Variants in CDH18 observed in about 807,000 individuals in gnomAD.
CDH18 encodes cadherin-18.
A neutral mutation model predicts 67.9 loss-of-function variants in CDH18; 31 were observed. That is an observed-to-expected ratio of 0.46 (90% CI 0.34 to 0.62). The LOEUF is 0.62. CDH18 is among the 20% of genes least tolerant of loss of function. The pLI, the probability that CDH18 is intolerant of heterozygous loss-of-function variation, is 0.01. For synonymous variants in CDH18, 362 were observed against 347.2 expected (o/e 1.04, Z -0.48); for missense variants, 890 against 975.5 (o/e 0.91, Z 1.17).
At chr5:20,056,945 A>G (rs1742045578) in intron 2 of CDH18, among the ~76,000 whole-genome samples, 1 of 151,488 alleles carries the variant, frequency 6.6e-6, no homozygotes, top group African/African-American at 2.4e-5. Context: ...TCGGCCTCCC[A>G]AAGTGCTGAG....
intron 3 of CDH18, among the ~76,000 whole-genome samples, chr5:19,837,982 T>C (rs1038611925): frequency 5.3e-5 from 8 of 152,142 alleles, no homozygotes; most frequent in African/African-American, 1.4e-4. Context: ...AGATGACACA[T>C]GCTTAAACTC....
At chr5:19,809,108 G>C (rs886311724) in intron 3 of CDH18, among the ~76,000 whole-genome samples, 2 of 152,040 alleles carry the variant, frequency 1.3e-5, no homozygotes, top group Admixed American at 6.6e-5. Flanking sequence ...AGACAAAGCT[G>C]ATCTAGGCAT....
At chr5:20,292,639 T>A (rs560369873) in intron 1 of CDH18, among the ~76,000 whole-genome samples, 11 of 152,280 alleles carry the variant, frequency 7.2e-5, no homozygotes, top group African/African-American at 2.6e-4. Flanking sequence ...CAGTGCCATG[T>A]CTTTGTGAAG....
At position 19,473,682 on chromosome 5, in the gene CDH18, G is replaced by T; in HGVS notation, c.1917C>A (p.Ser639Arg). The change falls in exon 13 of 13, where the codon AGC becomes AGA. Residue 639 changes from serine (S) to arginine (R), a missense_variant. Coordinates refer to ENST00000382275, the MANE Select transcript of CDH18 (RefSeq NM_004934.5). Reference protein sequence around the residue: ...IVVLFITLRRSKKEPLIISEE... With the variant: ...IVVLFITLRRRKKEPLIISEE... ...CTGAAATGATCAAGGGCTCTTTTTTGCTGCGCCTCAGGGTGATAAAAAGTA... is the reference window on the plus strand; with the variant it reads ...CTGAAATGATCAAGGGCTCTTTTTTTCTGCGCCTCAGGGTGATAAAAAGTA... 6.2e-7 allele frequency: 1 copy of T among 1,612,916 alleles called. No homozygotes were observed. The highest frequency in any genetic ancestry group is 1.1e-5 in the South Asian group (1 of 91,050).
At chr5:20,044,832 T>C (rs184810631) in intron 2 of CDH18, among the ~76,000 whole-genome samples, 49 of 152,288 alleles carry the variant, frequency 3.2e-4, no homozygotes, top group African/African-American at 1.1e-3. Context: ...CAAGGTCATG[T>C]GTGGATATTG....
chr5:20,113,135 A>G (rs953960349), intron 2 of CDH18, among the ~76,000 whole-genome samples: 1 of 152,174 alleles, frequency 6.6e-6, no homozygotes, highest in Non-Finnish European at 1.5e-5. Context: ...CATTTTAGTA[A>G]ATTGTAGTAT....
chr5:19,473,089 G>C lies in CDH18; in HGVS notation c.*137C>G. 1.1e-6 allele frequency: 1 copy of C among 947,102 alleles called. No individual in the cohort carries two copies. Among genetic ancestry groups the C allele is most frequent in the Non-Finnish European group, 1.6e-6 (1 of 632,624 alleles). 58.7% of individuals were successfully genotyped at this position (947,102 alleles called of 1,614,324 possible). On this transcript the variant is annotated 3_prime_UTR_variant, in exon 13 of 13. Coordinates refer to ENST00000382275, the MANE Select transcript of CDH18 (RefSeq NM_004934.5). ...ATAACCCAGTTTCGATCATGAAAAGGGCACTTGTTTCTACAGGAGCTGTGT... is the reference window on the plus strand; with the variant it reads ...ATAACCCAGTTTCGATCATGAAAAGCGCACTTGTTTCTACAGGAGCTGTGT...
At chr5:19,899,218 G>A (rs927482716) in intron 2 of CDH18, among the ~76,000 whole-genome samples, 3 of 152,042 alleles carry the variant, frequency 2.0e-5, no homozygotes, top group Admixed American at 2.0e-4. Context: ...TGACCAACAT[G>A]GAGAAACCCC....
chr5:19,655,948 G>C (rs1436604490), intron 5 of CDH18, among the ~76,000 whole-genome samples: 1 of 150,618 alleles, frequency 6.6e-6, no homozygotes, highest in Non-Finnish European at 1.5e-5. Context: ...ATACACAGAG[G>C]AAGCACGAGA....
At chr5:19,964,496 G>A (rs959872566) in intron 2 of CDH18, among the ~76,000 whole-genome samples, 2 of 151,598 alleles carry the variant, frequency 1.3e-5, no homozygotes, top group African/African-American at 4.8e-5. Flanking sequence ...TACTTGAGGG[G>A]CTGAGGTGGG....
At chr5:19,490,906 T>TAA (rs1741365140) in intron 11 of CDH18, among the ~76,000 whole-genome samples, 1 of 152,078 alleles carries the variant, frequency 6.6e-6, no homozygotes, top group Non-Finnish European at 1.5e-5. Flanking sequence ...CATATATATA[T>TAA]AAAACAACAA....
At chr5:19,683,817 G>A (rs1760675437) in intron 5 of CDH18, among the ~76,000 whole-genome samples, 1 of 151,990 alleles carries the variant, frequency 6.6e-6, no homozygotes, top group African/African-American at 2.4e-5. Context: ...CTTCCTCTGA[G>A]ATAATTCCTC....
In CDH18 at chr5:19,483,328, T is replaced by G; in HGVS notation, c.1855A>C (p.Ile619Leu). Residue 619 changes from isoleucine (I) to leucine (L), a missense_variant, in exon 12 of 13, where the codon ATT becomes CTT. Physicochemically the swap from Ile to Leu is conservative, Grantham distance 5. Transcript: ENST00000382275. ...AGGAGAATGAGAACACAGAGAAGAA[T>G]AGCGATTAAGGCTCCTGTACTCAAA... ...AGLSTGALIA[I>L]LLCVLILLAI... is the part of the protein sequence containing the mutation. The G allele has an allele frequency of 1.2e-6, 2 of 1,613,882 alleles. No individual in the cohort carries two copies.
chr5:19,773,741 G>C (rs1201084484), intron 3 of CDH18, among the ~76,000 whole-genome samples: 1 of 152,140 alleles, frequency 6.6e-6, no homozygotes, highest in Non-Finnish European at 1.5e-5. Flanking sequence ...GGGGAAAACT[G>C]AGTTTTGAGC....
intron 1 of CDH18, among the ~76,000 whole-genome samples, chr5:20,405,824 A>G (rs1344471174): frequency 6.6e-6 from 1 of 152,254 alleles, no homozygotes; most frequent in African/African-American, 2.4e-5. Context: ...CAAAAGACAC[A>G]TGAAAAAATG....
chr5:19,944,461 A>C (rs933626758), intron 2 of CDH18, among the ~76,000 whole-genome samples: 1 of 152,128 alleles, frequency 6.6e-6, no homozygotes, highest in Admixed American at 6.6e-5. Flanking sequence ...TTGAGTGGTG[A>C]ATGTTTACTG....
chr5:19,889,821 A>C, intron 2 of CDH18, among the ~76,000 whole-genome samples: 1 of 152,210 alleles, frequency 6.6e-6, no homozygotes, highest in East Asian at 1.9e-4. Flanking sequence ...ATTATCTAAT[A>C]ACAATAAATC....
chr5:20,474,274 T>C (rs1012511004), intron 1 of CDH18, among the ~76,000 whole-genome samples: 1 of 152,090 alleles, frequency 6.6e-6, no homozygotes. Context: ...GCAAGACTCC[T>C]TCTCAAAAAC....
chr5:19,961,825 T>A (rs1796933536), intron 2 of CDH18, among the ~76,000 whole-genome samples: 1 of 152,108 alleles, frequency 6.6e-6, no homozygotes, highest in East Asian at 1.9e-4. Context: ...TTTATTATGG[T>A]CATGTAATAA....
Sources: allele counts gnomAD v4.1 joint callset (sites outside exome capture counted in the v4.1 genomes callset), GRCh38; gene constraint gnomAD v4.1.1; transcripts MANE v1.5; gene names NCBI Gene and HGNC (gene_info 2026-07-23, HGNC 2026-07-21).